Variants in SLMAP observed in about 807,000 individuals in gnomAD.
The protein encoded by SLMAP is sarcolemma associated protein, also known as sarcolemmal membrane-associated protein.
In SLMAP, 44 loss-of-function variants were observed where a neutral mutation model predicts 128.8. The ratio of observed to expected loss-of-function variants is 0.34; its 90% CI spans 0.27 to 0.44. The LOEUF (loss-of-function observed/expected upper bound fraction) is 0.44. Ranked by LOEUF, SLMAP falls within the 20% of genes least tolerant of loss-of-function variation. The probability of loss-of-function intolerance (pLI) is 1.00; values close to 1 mark genes in which losing one functional copy is unlikely to be tolerated. For missense variants in SLMAP, 787 were observed against 985.3 expected (o/e 0.80, Z 2.69); for synonymous variants, 327 against 348.8 (o/e 0.94, Z 0.70).
At chr3:57,784,815 A>T (rs923883644) in intron 2 of SLMAP, among the ~76,000 whole-genome samples, 8 of 152,062 alleles carry the variant, frequency 5.3e-5, no homozygotes, top group African/African-American at 1.9e-4. Flanking sequence ...ATAAGAGGTG[A>T]TTATTAGGTC....
At chr3:57,882,971 G>A (rs1311662461) in intron 14 of SLMAP, among the ~76,000 whole-genome samples, 3 of 151,460 alleles carry the variant, frequency 2.0e-5, no homozygotes, top group Non-Finnish European at 2.9e-5. Context: ...TGTCAGAAGT[G>A]TGTTGGGAAT....
chr3:57,765,641 A>G (rs1266132967), intron 2 of SLMAP, among the ~76,000 whole-genome samples: 1 of 152,000 alleles, frequency 6.6e-6, no homozygotes, highest in Non-Finnish European at 1.5e-5. Flanking sequence ...TTTACTTTTT[A>G]TTTGTTTGTA....
At chr3:57,922,825 T>G in intron 22 of SLMAP, 64 bp from the exon 23 acceptor site, 1 of 1,495,060 alleles carries the variant, frequency 6.7e-7, no homozygotes, top group Non-Finnish European at 9.2e-7. Context: ...TAAACCTGAT[T>G]AGAACCATAA....
intron 3 of SLMAP, among the ~76,000 whole-genome samples, chr3:57,835,971 G>A (rs1014844074): frequency 6.6e-6 from 1 of 151,980 alleles, no homozygotes; most frequent in African/African-American, 2.4e-5. Flanking sequence ...GATGTTTTTG[G>A]CATCAGTGTG....
chr3:57,888,446 G>T (rs992818233), intron 14 of SLMAP, among the ~76,000 whole-genome samples: 1 of 151,842 alleles, frequency 6.6e-6, no homozygotes, highest in Non-Finnish European at 1.5e-5. Flanking sequence ...GTGAAACCCC[G>T]TCTCTACTAA....
chr3:57,848,505 T>A (rs1394081462), intron 5 of SLMAP, among the ~76,000 whole-genome samples: 3 of 150,516 alleles, frequency 2.0e-5, no homozygotes, highest in Non-Finnish European at 4.4e-5. Context: ...TACTTCCTTC[T>A]TCTTTCTTCT....
At chr3:57,831,577 T>C (rs762918520) in intron 3 of SLMAP, 47 bp downstream of exon 3, 1 of 1,288,236 alleles carries the variant, frequency 7.8e-7, no homozygotes, top group Admixed American at 2.8e-5. Flanking sequence ...TTAAAGGTTA[T>C]TTAATTTTTT....
At chr3:57,862,242 C>G (rs1228756967) in intron 10 of SLMAP, among the ~76,000 whole-genome samples, 156 bp downstream of exon 10, 1 of 151,764 alleles carries the variant, frequency 6.6e-6, no homozygotes, top group Non-Finnish European at 1.5e-5. Flanking sequence ...TGCTTGAACC[C>G]AGGAGACGGA....
At chr3:57,899,625 T>G (rs2096323198) in intron 17 of SLMAP, 1 of 152,170 alleles carries the variant, frequency 6.6e-6, no homozygotes, top group Non-Finnish European at 1.5e-5. Context: ...GTCTTGAACT[T>G]CTGAGCTCAA....
chr3:57,807,963 A>C (rs1344590330), intron 2 of SLMAP, among the ~76,000 whole-genome samples: 1 of 152,144 alleles, frequency 6.6e-6, no homozygotes, highest in East Asian at 1.9e-4. Context: ...TTATTGGTCT[A>C]TTCAGGGATT....
At chr3:57,815,269 T>TA (rs2091693061) in intron 2 of SLMAP, among the ~76,000 whole-genome samples, 1 of 152,268 alleles carries the variant, frequency 6.6e-6, no homozygotes, top group African/African-American at 2.4e-5. Context: ...GCCCTCTGCT[T>TA]ACCTCCTGTT....
chr3:57,888,308 T>G (rs1202359096), intron 14 of SLMAP, among the ~76,000 whole-genome samples: 1 of 152,176 alleles, frequency 6.6e-6, no homozygotes, highest in Non-Finnish European at 1.5e-5. Context: ...TGACTCATTA[T>G]ATAAAATAAT....
intron 2 of SLMAP, among the ~76,000 whole-genome samples, chr3:57,824,351 TAGTC>T (rs1478191399): frequency 6.6e-6 from 1 of 152,046 alleles, no homozygotes; most frequent in Admixed American, 6.6e-5. Flanking sequence ...ACAGAAAAAA[TAGTC>T]AGAGAAATAA....
intron 4 of SLMAP, among the ~76,000 whole-genome samples, chr3:57,843,815 T>C (rs1400084667): frequency 1.4e-5 from 2 of 144,828 alleles, no homozygotes; most frequent in Non-Finnish European, 3.0e-5. Context: ...AATCTCACTT[T>C]TGTCAACCAG....
At chr3:57,878,104 A>C (rs1272847686) in intron 14 of SLMAP, among the ~76,000 whole-genome samples, 1 of 151,988 alleles carries the variant, frequency 6.6e-6, no homozygotes, top group Admixed American at 6.5e-5. Flanking sequence ...TGGCCTCTCA[A>C]AGGGCTGGGA....
intron 15 of SLMAP, among the ~76,000 whole-genome samples, chr3:57,895,484 A>G (rs1013790438): frequency 6.6e-6 from 1 of 151,926 alleles, no homozygotes; most frequent in Non-Finnish European, 1.5e-5. Context: ...ACAGGTGCCC[A>G]GCACCATGCC....
chr3:57,845,559 C>T (rs1019258530), intron 4 of SLMAP, among the ~76,000 whole-genome samples: 19 of 152,180 alleles, frequency 1.2e-4, no homozygotes, highest in African/African-American at 4.6e-4. Flanking sequence ...AACCTTCAAG[C>T]TAACCATTAT....
chr3:57,868,583 C>T (rs775826934), intron 13 of SLMAP, among the ~76,000 whole-genome samples: 1 of 151,514 alleles, frequency 6.6e-6, no homozygotes, highest in Non-Finnish European at 1.5e-5. Context: ...AAAAATTAGC[C>T]AAGTGTGGTA....
chr3:57,896,959 G>T lies in SLMAP; in HGVS notation c.1501+27G>T, dbSNP rs375889041. ...TACTTTAACATGTTTTTATGACATC[G>T]TAAACCAGGGTATCAAATCACCCTT... On this transcript the variant is annotated intron_variant, in intron 17 of 24. Coordinates refer to ENST00000671191, the MANE Select transcript of SLMAP (RefSeq NM_001377540.1). 2.4e-5 allele frequency: 38 copies of T among 1,611,972 alleles called. No individual in the cohort carries two copies. The African/African-American group carries it at 4.5e-4, about 19-fold the overall frequency.
Sources: allele counts gnomAD v4.1 joint callset (sites outside exome capture counted in the v4.1 genomes callset), GRCh38; gene constraint gnomAD v4.1.1; transcripts MANE v1.5; gene names NCBI Gene and HGNC (gene_info 2026-07-23, HGNC 2026-07-21).